SLC9A9: variants seen among roughly 807,000 people sequenced by gnomAD.
The protein encoded by SLC9A9 is sodium/hydrogen exchanger 9.
In SLC9A9, 62 loss-of-function variants were observed where a neutral mutation model predicts 77.8. The observed-to-expected ratio is 0.80, with a 90% CI of 0.65 to 0.98. The LOEUF (loss-of-function observed/expected upper bound fraction) is 0.98. Among genes scored for constraint, SLC9A9 ranks in the 50% least tolerant of loss-of-function variants. The pLI, the probability that SLC9A9 is intolerant of heterozygous loss-of-function variation, is 0.00. For synonymous variants in SLC9A9, 320 were observed against 283.5 expected, an observed-to-expected ratio of 1.13 and a Z score of -1.29; for missense variants, 775 against 774.9, an observed-to-expected ratio of 1.00 and a Z score of 0.00.
chr3:143,609,908 C>T (rs535780315), intron 6 of SLC9A9, among the ~76,000 whole-genome samples: 1 of 138,186 alleles, frequency 7.2e-6, no homozygotes, highest in South Asian at 2.3e-4. Flanking sequence ...AATAATGTTA[C>T]AATGAATATT....
chr3:143,611,073 T>C (rs182260369), intron 6 of SLC9A9, among the ~76,000 whole-genome samples: 3 of 152,228 alleles, frequency 2.0e-5, no homozygotes, highest in East Asian at 1.9e-4. Context: ...AGAGAAGATA[T>C]TGCATTCATG....
chr3:143,462,455 A>AT (rs1171411066), intron 12 of SLC9A9, among the ~76,000 whole-genome samples: 1 of 152,176 alleles, frequency 6.6e-6, no homozygotes, highest in Non-Finnish European at 1.5e-5. Flanking sequence ...ATGCTAACAA[A>AT]TTTTTTTACT....
At chr3:143,614,285 T>G (rs1023520856) in intron 6 of SLC9A9, among the ~76,000 whole-genome samples, 4 of 152,182 alleles carry the variant, frequency 2.6e-5, no homozygotes, top group African/African-American at 7.2e-5. Flanking sequence ...TTGCTATGCC[T>G]GTATCAATTT....
chr3:143,707,818 A>T (rs1934026688), intron 4 of SLC9A9, among the ~76,000 whole-genome samples: 1 of 152,148 alleles, frequency 6.6e-6, no homozygotes. Context: ...GTGATGAAAT[A>T]AACTGTCCTT....
rs116511798 is a variant in SLC9A9, at chr3:143,765,978, G to A, written c.533+29023C>T. Among the ~76,000 whole-genome samples the A allele has an allele frequency of 6.4e-3, 977 of 152,318 alleles. 9 individuals are homozygous for A. Among genetic ancestry groups the A allele is most frequent in the African/African-American group, 0.022 (919 of 41,574 alleles). ...AAACCTGCTAGAAGATGAGAGGCAT[G>A]TGGCCCAGTCACTTATGTCATACCA... On this transcript the variant is annotated intron_variant, in intron 4 of 15. Transcript: ENST00000316549.
At chr3:143,447,145 A>C (rs2034861514) in intron 12 of SLC9A9, among the ~76,000 whole-genome samples, 1 of 152,194 alleles carries the variant, frequency 6.6e-6, no homozygotes. Context: ...ATTTATTTTT[A>C]CAGCATGCAT....
At chr3:143,550,646 G>A (rs1000786892) in intron 9 of SLC9A9, among the ~76,000 whole-genome samples, 4 of 152,064 alleles carry the variant, frequency 2.6e-5, no homozygotes, top group South Asian at 2.1e-4. Flanking sequence ...ATCAACAGAC[G>A]TATACATAAG....
intron 9 of SLC9A9, among the ~76,000 whole-genome samples, chr3:143,497,740 C>T (rs559287806): frequency 6.6e-6 from 1 of 152,292 alleles, no homozygotes; most frequent in South Asian, 2.1e-4. Context: ...AGGGTTCTAT[C>T]ATTACTCTAA....
chr3:143,404,057 G>C (rs979863242), intron 12 of SLC9A9, among the ~76,000 whole-genome samples: 2 of 151,970 alleles, frequency 1.3e-5, no homozygotes, highest in African/African-American at 4.8e-5. Context: ...GTATCATCAA[G>C]TTCACTGACT....
chr3:143,578,739 G>A lies in SLC9A9; in HGVS notation c.756-16C>T. 1 of 1,613,802 alleles carries A rather than the reference G, an allele frequency of 6.2e-7. No individual in the cohort carries two copies. Among genetic ancestry groups the A allele is most frequent in the Non-Finnish European group, 8.5e-7 (1 of 1,179,776 alleles). The stretch of plus-strand genomic sequence containing the variant: ...GGATATAGAACTGAAAAGAGAAGAG[G>A]GTGGAGGTTAGTTAGTGACTTTCAT... On this transcript the variant is annotated splice_polypyrimidine_tract_variant and intron_variant, in intron 6 of 15. Transcript: ENST00000316549.
intron 2 of SLC9A9, among the ~76,000 whole-genome samples, chr3:143,802,130 C>T (rs1184723362): frequency 6.6e-6 from 1 of 152,150 alleles, no homozygotes; most frequent in Non-Finnish European, 1.5e-5. Flanking sequence ...CCACCTACTC[C>T]CCCACTGAAA....
intron 4 of SLC9A9, among the ~76,000 whole-genome samples, chr3:143,720,963 C>T (rs1219843465): frequency 6.6e-6 from 1 of 152,226 alleles, no homozygotes; most frequent in Non-Finnish European, 1.5e-5. Flanking sequence ...TATCCCAACA[C>T]TTGGGGAGGC....
chr3:143,805,218 G>A (rs574102429), intron 2 of SLC9A9, among the ~76,000 whole-genome samples: 12 of 152,010 alleles, frequency 7.9e-5, no homozygotes, highest in East Asian at 1.9e-4. Flanking sequence ...ATCCAAAACC[G>A]TATCCAGGCC....
intron 4 of SLC9A9, among the ~76,000 whole-genome samples, chr3:143,695,102 C>A (rs1402505778): frequency 6.6e-6 from 1 of 152,102 alleles, no homozygotes. Context: ...CAGCACACTG[C>A]CGGTTACCAG....
chr3:143,443,089 G>A (rs1182093089), intron 12 of SLC9A9, among the ~76,000 whole-genome samples: 2 of 151,776 alleles, frequency 1.3e-5, no homozygotes, highest in African/African-American at 4.8e-5. Flanking sequence ...TCTGTAGCCT[G>A]CTCTGGCTAA....
At chr3:143,706,614 G>C (rs918988001) in intron 4 of SLC9A9, among the ~76,000 whole-genome samples, 1 of 152,014 alleles carries the variant, frequency 6.6e-6, no homozygotes, top group Non-Finnish European at 1.5e-5. Context: ...ATCCTGTATC[G>C]GATATCTTGA....
At chr3:143,482,201 T>TA (rs150513798) in intron 11 of SLC9A9, among the ~76,000 whole-genome samples, 1,782 of 152,320 alleles carry the variant, frequency 0.012, 45 homozygotes, top group Admixed American at 0.048. Context: ...AAAATTTTCT[T>TA]AAAGTTTGTC....
chr3:143,416,459 C>T (rs970067654), intron 12 of SLC9A9, among the ~76,000 whole-genome samples: 19 of 152,122 alleles, frequency 1.2e-4, no homozygotes, highest in African/African-American at 4.3e-4. Context: ...ACCACCACCT[C>T]GATTAGTCAG....
chr3:143,701,215 A>C (rs12494438), intron 4 of SLC9A9, among the ~76,000 whole-genome samples: 77,163 of 152,094 alleles, frequency 0.51, 21,571 homozygotes, highest in Non-Finnish European at 0.65. Flanking sequence ...CAAAGACTAC[A>C]ATAAATAGCC....
Sources: allele counts gnomAD v4.1 joint callset (sites outside exome capture counted in the v4.1 genomes callset), GRCh38; gene constraint gnomAD v4.1.1; transcripts MANE v1.5; gene names NCBI Gene and HGNC (gene_info 2026-07-23, HGNC 2026-07-21).